NCAPG2: variants seen among roughly 807,000 people sequenced by gnomAD.
NCAPG2 encodes the protein condensin-2 complex subunit G2.
Under a neutral mutation model 141.1 loss-of-function variants are expected in NCAPG2, and 53 were observed. That is an observed-to-expected ratio of 0.38 (90% confidence interval 0.30 to 0.47). The LOEUF (loss-of-function observed/expected upper bound fraction) is 0.47, where lower values mean the gene tolerates loss of function less well. NCAPG2 is among the 20% of genes least tolerant of loss of function. The pLI, the probability that NCAPG2 is intolerant of heterozygous loss-of-function variation, is 0.99. For missense variants in NCAPG2, 1,087 were observed against 1,389.0 expected (o/e 0.78, Z 3.46); for synonymous variants, 499 against 490.7 (o/e 1.02, Z -0.22).
chr7:158,652,244 G>T, intron 23 of NCAPG2, 49 bp downstream of exon 23: 1 of 1,547,726 alleles, frequency 6.5e-7, no homozygotes, highest in Non-Finnish European at 8.8e-7. Context: ...GGTGTAGCCA[G>T]CCCTGAAAAG....
chr7:158,674,728 G>A (rs940325017), intron 12 of NCAPG2, among the ~76,000 whole-genome samples: 1 of 152,256 alleles, frequency 6.6e-6, no homozygotes, highest in African/African-American at 2.4e-5. Flanking sequence ...CCTGAGAGAA[G>A]AGGAAGTCAC....
rs778009205 is a variant in NCAPG2 at position 158,650,913 on chromosome 7, G to C, written c.2994C>G (p.His998Gln). Residue 998 changes from histidine (H) to glutamine (Q), a missense_variant, in exon 24 of 28, where the codon CAC becomes CAG. By Grantham distance (24) the His-to-Gln change is conservative (BLOSUM62 0). Coordinates refer to ENST00000356309, the MANE Select transcript of NCAPG2 (RefSeq NM_017760.7). The part of the protein sequence containing the change: ...HEFITAVQSR[H>Q]TDTPVHRGVL... The stretch of plus-strand genomic sequence containing the variant: ...CACCCCGGTGCACAGGGGTGTCTGT[G>C]TGCCGAGACTGAACAGCAGTAATGA... 6.2e-7 allele frequency: 1 copy of C among 1,613,684 alleles called. No individual in the cohort carries two copies. Among genetic ancestry groups the C allele is most frequent in the Non-Finnish European group, 8.5e-7 (1 of 1,179,872 alleles).
intron 26 of NCAPG2, among the ~76,000 whole-genome samples, chr7:158,644,897 A>G (rs571106893): frequency 6.6e-5 from 10 of 152,206 alleles, no homozygotes; most frequent in Non-Finnish European, 1.3e-4. Context: ...AGTTTGTTTC[A>G]ATAGAAGCAC....
chr7:158,676,382 T>G (rs1327055478), intron 11 of NCAPG2, among the ~76,000 whole-genome samples: 1 of 152,198 alleles, frequency 6.6e-6, no homozygotes, highest in East Asian at 1.9e-4. Context: ...GAGCTCGTGG[T>G]CCAGGAGACT....
chr7:158,635,913 A>C (rs753786169), intron 27 of NCAPG2, among the ~76,000 whole-genome samples: 7 of 152,240 alleles, frequency 4.6e-5, no homozygotes, highest in Non-Finnish European at 1.0e-4. Flanking sequence ...ATACAGTCTT[A>C]AATCTTAATT....
intron 8 of NCAPG2, 22 bp from the exon 9 acceptor site, chr7:158,683,408 A>G (rs1243749839): frequency 1.3e-6 from 2 of 1,577,730 alleles, no homozygotes; most frequent in African/African-American, 1.4e-5. Flanking sequence ...AATGCAATGC[A>G]AAGCACTTGG....
chr7:158,670,728 C>A (rs1337816172), intron 13 of NCAPG2, among the ~76,000 whole-genome samples: 1 of 152,164 alleles, frequency 6.6e-6, no homozygotes, highest in Non-Finnish European at 1.5e-5. Context: ...GAGGCCTTTC[C>A]AAGGAAGCCC....
intron 24 of NCAPG2, among the ~76,000 whole-genome samples, chr7:158,649,142 G>A (rs924766683): frequency 7.9e-5 from 12 of 152,196 alleles, no homozygotes; most frequent in Admixed American, 7.2e-4. Flanking sequence ...CAGAGCCAGA[G>A]AGATTCCACA....
intron 11 of NCAPG2, 144 bp from the exon 12 acceptor site, chr7:158,675,800 C>G: frequency 1.2e-6 from 1 of 835,808 alleles, no homozygotes; most frequent in African/African-American, 1.8e-5. Flanking sequence ...ATTCCTAGAC[C>G]TGAGATTACT....
chr7:158,654,693 G>C lies in NCAPG2; in HGVS notation c.2648C>G (p.Thr883Ser). 1 of 1,612,854 alleles carries C rather than the reference G, an allele frequency of 6.2e-7. No homozygotes were observed. Among genetic ancestry groups the C allele is most frequent in the South Asian group, 1.1e-5 (1 of 90,764 alleles). The change falls in exon 22 of 28, where the codon ACC (threonine) becomes AGC (serine). Residue 883 changes from threonine (T) to serine (S), a missense_variant and splice_region_variant. Physicochemically the swap from Thr to Ser is moderately conservative, Grantham distance 58 (BLOSUM62 1). Coordinates refer to ENST00000356309, the MANE Select transcript of NCAPG2 (RefSeq NM_017760.7). Reference protein sequence around the residue: ...HRVIYQQIIQTYLTVCKDVVM... With the variant: ...HRVIYQQIIQSYLTVCKDVVM... ...AACATCTTTACACACAGTCAGGTAG[G>C]TCTGTAAGAGACAGACACAGCTTAG...
At chr7:158,688,177 T>TAAA (rs34988657) in intron 6 of NCAPG2, among the ~76,000 whole-genome samples, 6 of 134,410 alleles carry the variant, frequency 4.5e-5, no homozygotes, top group African/African-American at 1.6e-4. Context: ...ACAGGCAAGT[T>TAAA]AAAAAAAAAA....
At chr7:158,644,454 T>C (rs1830857750) in intron 26 of NCAPG2, 66 bp from the exon 27 acceptor site, 3 of 1,378,794 alleles carry the variant, frequency 2.2e-6, no homozygotes, top group Non-Finnish European at 3.1e-6. Context: ...AACACTCTGG[T>C]ACACATGTGG....
chr7:158,638,851 C>T (rs934770894), intron 27 of NCAPG2, among the ~76,000 whole-genome samples: 2 of 152,176 alleles, frequency 1.3e-5, no homozygotes, highest in Non-Finnish European at 2.9e-5. Flanking sequence ...AACACACACT[C>T]CTATGCACAA....
At chr7:158,667,494 C>T (rs1477138218) in intron 13 of NCAPG2, among the ~76,000 whole-genome samples, 1 of 111,850 alleles carries the variant, frequency 8.9e-6, no homozygotes, top group African/African-American at 3.4e-5. Flanking sequence ...CCTCCGCCCG[C>T]CTTACCCACT....
At chr7:158,651,022 G>A (rs1831452141) in intron 23 of NCAPG2, 50 bp from the exon 24 acceptor site, 5 of 1,505,430 alleles carry the variant, frequency 3.3e-6, no homozygotes, top group African/African-American at 1.4e-5. Flanking sequence ...CCATGGTTTT[G>A]AAAAAAACAA....
At position 158,655,241 on chromosome 7, in the gene NCAPG2, C is replaced by T. The variant is rs757788773; in HGVS notation, c.2523G>A (p.Lys841=). Residue 841 remains lysine (K), a synonymous_variant, in exon 21 of 28, where the codon AAG becomes AAA. Transcript: ENST00000356309. ...TGTCTTCCAACATGGACAAATACAC[C>T]TTTCCTTCTGAGCAGAACTGTCCAA... ...HLQHKFCSEG[K]VYLSMLEDTG... 2 of 1,613,788 alleles carry T rather than the reference C, an allele frequency of 1.2e-6. No individual in the cohort carries two copies. The highest frequency in any genetic ancestry group is 1.7e-6 in the Non-Finnish European group (2 of 1,179,958).
Position 158,680,189 on chromosome 7 carries a change from T to A in NCAPG2, c.1021-104A>T, listed in dbSNP as rs1834360205. On this transcript the variant is annotated intron_variant, in intron 10 of 27. Coordinates refer to ENST00000356309, the MANE Select transcript of NCAPG2 (RefSeq NM_017760.7). The stretch of plus-strand genomic sequence containing the variant: ...ACACTTTAATTATCTTGATACAGAT[T>A]TATTTTCAAATTACAGACAATTATA... The A allele has an allele frequency of 3.9e-6, 5 of 1,285,176 alleles. No individual in the cohort carries two copies. In the East Asian group the frequency reaches 1.2e-4, roughly 30 times the overall value. 79.6% of individuals were successfully genotyped at this position (1,285,176 alleles called of 1,614,324 possible).
At chr7:158,677,525 C>CAAAAA in intron 11 of NCAPG2, among the ~76,000 whole-genome samples, 35 of 90,400 alleles carry the variant, frequency 3.9e-4, no homozygotes, top group Non-Finnish European at 6.0e-4. Context: ...AAAAATAAAG[C>CAAAAA]AAAAAAAAAA....
chr7:158,653,460 T>C (rs1321944052), intron 22 of NCAPG2, among the ~76,000 whole-genome samples: 2 of 152,026 alleles, frequency 1.3e-5, no homozygotes, highest in Admixed American at 6.6e-5. Flanking sequence ...TCTTAAACTT[T>C]AGATCTGTTA....
Sources: gnomAD v4.1 joint callset for allele counts (sites outside exome capture counted in the v4.1 genomes callset) on GRCh38, gnomAD v4.1.1 for gene constraint, MANE v1.5 for transcripts, NCBI Gene and HGNC (gene_info 2026-07-23, HGNC 2026-07-21) for gene names.